EXOC3: variants seen among roughly 807,000 people sequenced by gnomAD.
EXOC3 encodes SEC6-like 1.
Under a neutral mutation model 73.7 loss-of-function variants are expected in EXOC3, and 21 were observed. The observed-to-expected ratio is 0.29, with a 90% confidence interval of 0.20 to 0.41. The LOEUF (loss-of-function observed/expected upper bound fraction) is 0.41. Among genes scored for constraint, EXOC3 ranks in the 10% least tolerant of loss-of-function variants. The pLI, the probability that EXOC3 is intolerant of heterozygous loss-of-function variation, is 1.00. For synonymous variants in EXOC3, 410 were observed against 389.1 expected (o/e 1.05, Z -0.63); for missense variants, 842 against 985.1 (o/e 0.85, Z 1.95).
At chr5:446,116 C>T (rs968933103) in intron 1 of EXOC3, 34 bp from the exon 2 acceptor site, 30 of 1,496,632 alleles carry the variant, frequency 2.0e-5, no homozygotes, top group African/African-American at 2.8e-5. Context: ...AGGTTTTGTA[C>T]CTAACATTTC....
In EXOC3 at chr5:467,153, C is replaced by G. The variant is rs906828122; in HGVS notation, c.*255C>G. On this transcript the variant is annotated 3_prime_UTR_variant, in exon 13 of 13. Coordinates refer to ENST00000512944, the MANE Select transcript of EXOC3 (RefSeq NM_007277.5). ...GCCTCTCTTGGGTGCTTGTTTGTTG[C>G]AGTGGTTGAAAGTGTGTGGGGCACA... is the stretch of plus-strand genomic sequence containing the variant. 2 of 506,840 alleles carry G rather than the reference C, an allele frequency of 3.9e-6. No homozygotes were observed. Among genetic ancestry groups the G allele is most frequent in the African/African-American group, 3.8e-5 (2 of 52,482 alleles). The allele number at this position is 506,840 out of a possible 1,614,324, so 31.4% of individuals were successfully genotyped here. A position where few individuals can be genotyped will look rare whatever the true frequency, so the allele number is the denominator to read the frequency against.
intron 2 of EXOC3, among the ~76,000 whole-genome samples, chr5:446,652 G>T: frequency 6.6e-6 from 1 of 152,330 alleles, no homozygotes. Flanking sequence ...GAGGTCAGGA[G>T]TTCAAGACCA....
At chr5:458,896 C>T (rs1560938947) in intron 6 of EXOC3, among the ~76,000 whole-genome samples, 3 of 152,216 alleles carry the variant, frequency 2.0e-5, no homozygotes, top group Non-Finnish European at 4.4e-5. Flanking sequence ...CCGTGAGAAA[C>T]TGTGAGGAGA....
intron 1 of EXOC3, among the ~76,000 whole-genome samples, chr5:444,077 C>G (rs563453458): frequency 1.3e-5 from 2 of 152,298 alleles, no homozygotes; most frequent in Admixed American, 6.5e-5. Context: ...GAGGTGTCTC[C>G]CTGGCGCAGG....
chr5:449,391 G>A (rs972970280), intron 3 of EXOC3, among the ~76,000 whole-genome samples: 9 of 152,112 alleles, frequency 5.9e-5, no homozygotes, highest in South Asian at 2.1e-4. Flanking sequence ...TGCCACATCC[G>A]TCTTCAGAAC....
chr5:444,545 A>G (rs1451972655), intron 1 of EXOC3, among the ~76,000 whole-genome samples: 2 of 152,256 alleles, frequency 1.3e-5, no homozygotes, highest in Non-Finnish European at 2.9e-5. Context: ...GTCAATGGAA[A>G]TGCTGATGAT....
Position 454,060 on chromosome 5 carries a change from A to G in EXOC3, c.1046+9A>G. The G allele has an allele frequency of 6.3e-7, 1 of 1,581,496 alleles. No homozygotes were observed. The highest frequency in any genetic ancestry group is 8.6e-7 in the Non-Finnish European group (1 of 1,164,132). On this transcript the variant is annotated intron_variant, in intron 4 of 12. Transcript: ENST00000512944. The stretch of plus-strand genomic sequence containing the variant: ...TTAAACACCTACACAAGGTAAAGCT[A>G]ACCTGGCGCCTGTGTTGGCTCTTAG...
At chr5:462,420 G>C in intron 9 of EXOC3, 113 bp downstream of exon 9, 6 of 1,240,446 alleles carry the variant, frequency 4.8e-6, no homozygotes, top group Non-Finnish European at 6.9e-6. Context: ...CTGGGGAGCC[G>C]GGCTGTGCAC....
chr5:457,351 C>T (rs1430343524), intron 5 of EXOC3: 6 of 317,496 alleles, frequency 1.9e-5, no homozygotes, highest in African/African-American at 1.3e-4. Context: ...CGTCAAGGAC[C>T]AAAGGGCGAG....
intron 3 of EXOC3, among the ~76,000 whole-genome samples, chr5:450,092 A>G (rs1737612267): frequency 6.6e-6 from 1 of 152,144 alleles, no homozygotes; most frequent in Admixed American, 6.5e-5. Flanking sequence ...CTAAAAATAT[A>G]AAAATTAGCC....
At chr5:449,271 C>T (rs1411009271) in intron 3 of EXOC3, among the ~76,000 whole-genome samples, 2 of 152,224 alleles carry the variant, frequency 1.3e-5, no homozygotes, top group Non-Finnish European at 2.9e-5. Flanking sequence ...CACAGCTCCC[C>T]TCCCCCATTT....
chr5:454,514 T>G (rs1299977794), intron 4 of EXOC3, among the ~76,000 whole-genome samples: 1 of 152,230 alleles, frequency 6.6e-6, no homozygotes, highest in Non-Finnish European at 1.5e-5. Flanking sequence ...GTTTGGTTTC[T>G]CTTCACCAAT....
chr5:465,665 C>T, intron 11 of EXOC3, 53 bp from the exon 12 acceptor site: 1 of 1,608,844 alleles, frequency 6.2e-7, no homozygotes. Flanking sequence ...CCAGCTGCTC[C>T]CAGCGCCGCG....
intron 3 of EXOC3, among the ~76,000 whole-genome samples, chr5:449,932 T>C (rs933894908): frequency 1.3e-5 from 2 of 152,212 alleles, no homozygotes; most frequent in African/African-American, 4.8e-5. Flanking sequence ...GCATTTTCAT[T>C]CTTCTCTTAG....
At chr5:460,306 G>T (rs1454569810) in intron 7 of EXOC3, among the ~76,000 whole-genome samples, 1 of 151,506 alleles carries the variant, frequency 6.6e-6, no homozygotes, top group Non-Finnish European at 1.5e-5. Context: ...TCTGTAGAGA[G>T]ATGTCCCTCA....
intron 3 of EXOC3, among the ~76,000 whole-genome samples, chr5:452,066 A>T (rs1284226446): frequency 6.6e-6 from 1 of 152,148 alleles, no homozygotes; most frequent in Non-Finnish European, 1.5e-5. Flanking sequence ...CTTCATATTC[A>T]TGTCTTTCAT....
At chr5:461,352 C>T (rs982467303) in intron 7 of EXOC3, among the ~76,000 whole-genome samples, 6 of 152,146 alleles carry the variant, frequency 3.9e-5, no homozygotes, top group Non-Finnish European at 2.9e-5. Context: ...CGGTGGCTTA[C>T]GCCTGTAATC....
At chr5:445,388 C>T (rs1737476408) in intron 1 of EXOC3, among the ~76,000 whole-genome samples, 2 of 136,800 alleles carry the variant, frequency 1.5e-5, no homozygotes, top group Non-Finnish European at 3.0e-5. Context: ...CTCGCTCTGT[C>T]GCCCAGGCTG....
rs781189616 is a variant in EXOC3 at position 453,629 on chromosome 5, G to C, written c.624G>C (p.Leu208Phe). The change falls in exon 4 of 13, where the codon TTG (leucine) becomes TTC (phenylalanine). Residue 208 changes from leucine (L) to phenylalanine (F), a missense_variant. By Grantham distance (22) the Leu-to-Phe change is conservative (BLOSUM62 0). Transcript: ENST00000512944. The stretch of plus-strand genomic sequence containing the variant: ...TCACTGTCCGCCGTGACCCCACCTT[G>C]CTGGTCTCAGTTGTCAGGATCATTG... ...SLVTVRRDPT[L>F]LVSVVRIIER... is the part of the protein sequence containing the mutation. 3.3e-5 allele frequency: 54 copies of C among 1,613,884 alleles called. No individual in the cohort carries two copies. The highest frequency in any genetic ancestry group is 4.2e-5 in the Non-Finnish European group (49 of 1,179,902).
Sources: gnomAD v4.1 joint callset for allele counts (sites outside exome capture counted in the v4.1 genomes callset) on GRCh38, gnomAD v4.1.1 for gene constraint, MANE v1.5 for transcripts, NCBI Gene and HGNC (gene_info 2026-07-23, HGNC 2026-07-21) for gene names.